ADAMTS14: variants seen among roughly 807,000 people sequenced by gnomAD.
ADAMTS14 encodes the protein A disintegrin and metalloproteinase with thrombospondin motifs 14.
In ADAMTS14, 100 loss-of-function variants were observed where a neutral mutation model predicts 128.6. The ratio of observed to expected loss-of-function variants is 0.78; its 90% CI spans 0.66 to 0.92. The LOEUF (loss-of-function observed/expected upper bound fraction) is 0.92. ADAMTS14 is among the 40% of genes least tolerant of loss of function. ADAMTS14 has a pLI of 0.00. For missense variants in ADAMTS14, 1,562 were observed against 1,658.6 expected, an observed-to-expected ratio of 0.94 and a Z score of 1.01; for synonymous variants, 665 against 653.8, an observed-to-expected ratio of 1.02 and a Z score of -0.26.
chr10:70,696,114 G>A (rs1338491491), intron 2 of ADAMTS14, among the ~76,000 whole-genome samples: 1 of 152,188 alleles, frequency 6.6e-6, no homozygotes, highest in Non-Finnish European at 1.5e-5. Flanking sequence ...GAGTTTCAAA[G>A]ATGCGGGACA....
chr10:70,760,870 C>G lies in ADAMTS14; in HGVS notation c.*17C>G. On this transcript the variant is annotated 3_prime_UTR_variant, in exon 22 of 22. Transcript: ENST00000373207. ...GTGACATGAGCTGTGCCCTGCCATC[C>G]CACTGGCACGTTTACACTCTGTGTA... 6.5e-7 allele frequency: 1 copy of G among 1,549,680 alleles called. No homozygotes were observed. The highest frequency in any genetic ancestry group is 8.7e-7 in the Non-Finnish European group (1 of 1,145,996).
At chr10:70,702,813 A>G (rs1840538392) in intron 3 of ADAMTS14, among the ~76,000 whole-genome samples, 1 of 152,118 alleles carries the variant, frequency 6.6e-6, no homozygotes, top group African/African-American at 2.4e-5. Context: ...AAATTGACTC[A>G]ACCCTTGGGA....
At chr10:70,739,799 T>C (rs1238380966) in intron 11 of ADAMTS14, among the ~76,000 whole-genome samples, 1 of 152,242 alleles carries the variant, frequency 6.6e-6, no homozygotes, top group Non-Finnish European at 1.5e-5. Context: ...TACTGTTATT[T>C]ATCGCTAGGG....
rs775898018 is a variant in ADAMTS14, at chr10:70,741,044, C to T, written c.1806C>T (p.Asn602=). 3.7e-6 allele frequency: 6 copies of T among 1,614,164 alleles called. No individual in the cohort carries two copies. Among genetic ancestry groups the T allele is most frequent in the East Asian group, 2.2e-5 (1 of 44,876 alleles). ...LGPMFEYQVC[N]SEECPGTYED... Reference sequence around the variant, plus strand: ...CCATGTTCGAGTACCAGGTCTGCAACAGCGAGGAGTGCCCTGGGACCTACG... The same window carrying T: ...CCATGTTCGAGTACCAGGTCTGCAATAGCGAGGAGTGCCCTGGGACCTACG... The change falls in exon 12 of 22, where the codon AAC becomes AAT. Residue 602 remains asparagine, a synonymous_variant. Coordinates refer to ENST00000373207, the MANE Select transcript of ADAMTS14 (RefSeq NM_080722.4).
chr10:70,704,683 A>C (rs1000523961), intron 3 of ADAMTS14, among the ~76,000 whole-genome samples: 2 of 132,998 alleles, frequency 1.5e-5, no homozygotes, highest in Non-Finnish European at 3.1e-5. Flanking sequence ...ACACGCTCAC[A>C]AACACACACC....
At chr10:70,717,660 T>A (rs1841101992) in intron 4 of ADAMTS14, among the ~76,000 whole-genome samples, 1 of 152,110 alleles carries the variant, frequency 6.6e-6, no homozygotes, top group African/African-American at 2.4e-5. Context: ...TTGGGGAACC[T>A]CCTAGGGCCT....
rs758237381 is a variant in ADAMTS14 at position 70,760,880 on chromosome 10, G to A, written c.*27G>A. 11 of 1,542,604 alleles carry A rather than the reference G, an allele frequency of 7.1e-6. No homozygotes were observed. In the African/African-American group the frequency reaches 9.6e-5, roughly 13 times the overall value. On this transcript the variant is annotated 3_prime_UTR_variant, in exon 22 of 22. Coordinates refer to ENST00000373207, the MANE Select transcript of ADAMTS14 (RefSeq NM_080722.4). ...CTGTGCCCTGCCATCCCACTGGCAC[G>A]TTTACACTCTGTGTACTGCCCCGTG...
At chr10:70,735,606 G>A (rs1454636144) in intron 9 of ADAMTS14, among the ~76,000 whole-genome samples, 3 of 152,196 alleles carry the variant, frequency 2.0e-5, no homozygotes, top group Non-Finnish European at 4.4e-5. Flanking sequence ...ATAAGTTGTT[G>A]GGCTCTGGCC....
chr10:70,688,763 AGGAGAATCAG>A, intron 2 of ADAMTS14, among the ~76,000 whole-genome samples: 1 of 75,536 alleles, frequency 1.3e-5, no homozygotes, highest in Non-Finnish European at 3.0e-5. Context: ...AGACTGAGGC[AGGAGAATCAG>A]GCAGGGAGGT....
chr10:70,675,809 C>A (rs572897071), intron 2 of ADAMTS14, among the ~76,000 whole-genome samples: 1 of 152,348 alleles, frequency 6.6e-6, no homozygotes, highest in South Asian at 2.1e-4. Flanking sequence ...GCTGGCACAG[C>A]AGCCTCAAGG....
chr10:70,743,992 G>C, intron 13 of ADAMTS14, 74 bp from the exon 14 acceptor site: 8 of 1,520,898 alleles, frequency 5.3e-6, no homozygotes, highest in Non-Finnish European at 7.1e-6. Context: ...AGGGCCTGGG[G>C]ATGGGAATGG....
chr10:70,744,254 G>A (rs983705299), intron 14 of ADAMTS14, 65 bp downstream of exon 14: 51 of 1,459,210 alleles, frequency 3.5e-5, no homozygotes, highest in South Asian at 1.1e-4. Context: ...CCCTCAGGGG[G>A]CCCTCCCTCC....
Position 70,672,730 on chromosome 10 carries a change from C to A in ADAMTS14, c.-73C>A. 7.0e-7 allele frequency: 1 copy of A among 1,428,374 alleles called. No individual in the cohort carries two copies. Among genetic ancestry groups the A allele is most frequent in the South Asian group, 1.5e-5 (1 of 68,024 alleles). The allele number at this position is 1,428,374 out of a possible 1,614,324, so 88.5% of individuals were successfully genotyped here. The stretch of plus-strand genomic sequence containing the variant: ...CGGTGCTCCGACAGCCCGGGGCGCA[C>A]CCTAGCCTCGCCGCCCTCAGCCTGG... On this transcript the variant is annotated 5_prime_UTR_variant, in exon 1 of 22. Coordinates refer to ENST00000373207, the MANE Select transcript of ADAMTS14 (RefSeq NM_080722.4).
intron 18 of ADAMTS14, 93 bp downstream of exon 18, chr10:70,752,320 G>A: frequency 6.6e-7 from 1 of 1,511,596 alleles, no homozygotes; most frequent in Non-Finnish European, 8.9e-7. Flanking sequence ...CCTCAGCACT[G>A]GGTTATGGAG....
At chr10:70,735,120 GGGA>G (rs772289295) in intron 8 of ADAMTS14, 46 bp from the exon 9 acceptor site, 1 of 1,588,948 alleles carries the variant, frequency 6.3e-7, no homozygotes, top group Admixed American at 1.7e-5. Context: ...GGGAAAGCCT[GGGA>G]CTTCCTGCTG....
intron 1 of ADAMTS14, 27 bp downstream of exon 1, chr10:70,672,911 C>G: frequency 7.0e-7 from 1 of 1,436,908 alleles, no homozygotes; most frequent in Admixed American, 2.9e-5. Context: ...CGCGCGGGGG[C>G]CCGTGGGGTC....
intron 19 of ADAMTS14, among the ~76,000 whole-genome samples, chr10:70,755,426 G>A (rs113333966): frequency 0.019 from 2,856 of 152,282 alleles, 66 homozygotes; most frequent in Middle Eastern, 0.024. Context: ...GGGTGAATGA[G>A]GGGTTAGTGT....
intron 4 of ADAMTS14, among the ~76,000 whole-genome samples, chr10:70,717,275 T>C (rs1841084992): frequency 6.6e-6 from 1 of 151,444 alleles, no homozygotes; most frequent in Admixed American, 6.6e-5. Context: ...GCTGTCCCTG[T>C]GGGGTTGTGG....
chr10:70,679,829 C>T (rs565478235), intron 2 of ADAMTS14, among the ~76,000 whole-genome samples: 8 of 152,284 alleles, frequency 5.3e-5, no homozygotes, highest in African/African-American at 9.6e-5. Context: ...CCCTGGCAGA[C>T]GGCTTTGGGA....
Sources: allele counts gnomAD v4.1 joint callset (sites outside exome capture counted in the v4.1 genomes callset), GRCh38; gene constraint gnomAD v4.1.1; transcripts MANE v1.5; gene names NCBI Gene and HGNC (gene_info 2026-07-23, HGNC 2026-07-21).